The following CEACAM21 variants were observed in gnomAD, a reference collection of about 807,000 sequenced individuals.
CEACAM21 encodes cell adhesion molecule CEACAM21.
In CEACAM21, 38 loss-of-function variants were observed where a neutral mutation model predicts 33.2. The observed-to-expected ratio is 1.14, with a 90% confidence interval of 0.88 to 1.50. The LOEUF (loss-of-function observed/expected upper bound fraction) is 1.50, where lower values mean the gene tolerates loss of function less well. CEACAM21 is among the 40% of genes most tolerant of loss of function. CEACAM21 has a pLI of 0.00. For missense variants in CEACAM21, 385 were observed against 364.6 expected (o/e 1.06, Z -0.46); for synonymous variants, 156 against 143.0 (o/e 1.09, Z -0.65).
intron 6 of CEACAM21, chr19:41,586,112 A>T (rs2122316281): frequency 1.6e-6 from 1 of 607,210 alleles, no homozygotes; most frequent in East Asian, 2.8e-5. Flanking sequence ...ACACAGCAGG[A>T]ATCCTTCCCT....
intron 5 of CEACAM21, 46 bp from the exon 6 acceptor site, chr19:41,585,794 C>T (rs1555795199): frequency 1.3e-6 from 2 of 1,596,666 alleles, no homozygotes; most frequent in Non-Finnish European, 1.7e-6. Flanking sequence ...CAGGAGGGGC[C>T]CAGCTATCCT....
At chr19:41,586,390 TG>T in intron 6 of CEACAM21, 73 bp from the exon 7 acceptor site, 2 of 612,222 alleles carry the variant, frequency 3.3e-6, no homozygotes, top group Non-Finnish European at 6.3e-6. Context: ...TAGCCCTGGG[TG>T]GGCCCAGAGA....
upstream of CEACAM21, among the ~76,000 whole-genome samples, chr19:41,574,779 G>A (rs1426606494): frequency 3.3e-5 from 5 of 152,122 alleles, no homozygotes; most frequent in African/African-American, 1.2e-4. Context: ...AAACAGTTTG[G>A]CTGTTTCTCA....
intron 3 of CEACAM21, among the ~76,000 whole-genome samples, chr19:41,583,929 T>A (rs2070508340): frequency 6.6e-6 from 1 of 152,198 alleles, no homozygotes; most frequent in Non-Finnish European, 1.5e-5. Context: ...TGATTCCCAC[T>A]GTGCCTTCCA....
intron 1 of CEACAM21, among the ~76,000 whole-genome samples, chr19:41,557,919 A>G (rs1193136976): frequency 3.3e-5 from 5 of 152,178 alleles, no homozygotes; most frequent in African/African-American, 1.2e-4. Flanking sequence ...GGTGGATGAG[A>G]TATTGGTTAC....
chr19:41,573,581 A>G (rs1203269212), upstream of CEACAM21, among the ~76,000 whole-genome samples: 3 of 152,344 alleles, frequency 2.0e-5, no homozygotes, highest in East Asian at 5.8e-4. Flanking sequence ...GCAGGCTATG[A>G]AGACAAATAA....
In CEACAM21 at chr19:41,584,419, T is replaced by C; in HGVS notation, c.773T>C (p.Phe258Ser). Residue 258 changes from phenylalanine to serine, a missense_variant, in exon 4 of 7, where the codon TTC (phenylalanine) becomes TCC (serine). Phe to Ser is a radical substitution (Grantham distance 155). Coordinates refer to ENST00000401445, the MANE Select transcript of CEACAM21 (RefSeq NM_001098506.4). ...GSLLVAALVC[F>S]LLLRKTGRAS... ...CTTCTGGTGGCTGCACTTGTGTGTTTCCTGCTCCTCCGAAAAACTGGCAGG... is the reference window on the plus strand; with the variant it reads ...CTTCTGGTGGCTGCACTTGTGTGTTCCCTGCTCCTCCGAAAAACTGGCAGG... 1 of 1,608,412 alleles carries C rather than the reference T, an allele frequency of 6.2e-7. No homozygotes were observed. Among genetic ancestry groups the C allele is most frequent in the Non-Finnish European group, 8.5e-7 (1 of 1,177,136 alleles).
chr19:41,580,234 C>T (rs1600267312), intron 3 of CEACAM21, among the ~76,000 whole-genome samples: 1 of 152,068 alleles, frequency 6.6e-6, no homozygotes, highest in African/African-American at 2.4e-5. Flanking sequence ...TGGAAAAACT[C>T]AAACTGTGTT....
intron 1 of CEACAM21, among the ~76,000 whole-genome samples, chr19:41,555,920 G>A (rs1016896519): frequency 6.6e-6 from 1 of 152,194 alleles, no homozygotes; most frequent in Non-Finnish European, 1.5e-5. Context: ...CCCAGCAGCC[G>A]TTGCACTCAC....
chr19:41,558,479 C>T (rs1269889951), intron 1 of CEACAM21, among the ~76,000 whole-genome samples: 2 of 152,088 alleles, frequency 1.3e-5, no homozygotes, highest in Non-Finnish European at 2.9e-5. Flanking sequence ...AACCCCATCT[C>T]TACTAAAAAT....
At position 41,577,175 on chromosome 19, in the gene CEACAM21, G is replaced by T. The variant is rs782784506; in HGVS notation, c.65-25G>T. 3.1e-6 allele frequency: 5 copies of T among 1,613,030 alleles called. No homozygotes were observed. In the South Asian group the frequency reaches 3.3e-5, roughly 11 times the overall value. On this transcript the variant is annotated intron_variant, in intron 1 of 6. Coordinates refer to ENST00000401445, the MANE Select transcript of CEACAM21 (RefSeq NM_001098506.4). ...CATGCCAATGCATAGGTCAAATATT[G>T]ACTGATATTCTCTCCCTTTCCTAGC...
intron 4 of CEACAM21, 149 bp downstream of exon 4, chr19:41,584,592 C>T (rs1355196957): frequency 1.4e-6 from 1 of 714,214 alleles, no homozygotes; most frequent in Non-Finnish European, 2.4e-6. Flanking sequence ...GCACCTTCCT[C>T]ACCAGCTGCT....
At chr19:41,585,563 C>A in intron 5 of CEACAM21, 68 bp downstream of exon 5, 2 of 1,514,334 alleles carry the variant, frequency 1.3e-6, no homozygotes, top group Admixed American at 3.4e-5. Flanking sequence ...CCACTCCTGC[C>A]AGTTACACCC....
chr19:41,565,391 G>A (rs945155652), intron 2 of CEACAM21, among the ~76,000 whole-genome samples: 1 of 152,202 alleles, frequency 6.6e-6, no homozygotes, highest in Non-Finnish European at 1.5e-5. Context: ...AGCCCTGAGA[G>A]CCAGTCCTTA....
chr19:41,554,879 C>G (rs1175083247), intron 1 of CEACAM21: 3 of 151,878 alleles, frequency 2.0e-5, no homozygotes, highest in Non-Finnish European at 4.4e-5. Context: ...TTTCATAAAC[C>G]TTTCACAACT....
chr19:41,562,046 G>C (rs1332736754), intron 1 of CEACAM21, among the ~76,000 whole-genome samples: 3 of 152,172 alleles, frequency 2.0e-5, no homozygotes, highest in African/African-American at 7.2e-5. Flanking sequence ...AGGAGTTCGA[G>C]ACCAGCCTGA....
At chr19:41,576,763 T>C (rs1229227968) in intron 1 of CEACAM21, among the ~76,000 whole-genome samples, 1 of 151,796 alleles carries the variant, frequency 6.6e-6, no homozygotes. Context: ...CTAACATCAC[T>C]CAAGTCCATG....
At chr19:41,572,393 G>A (rs1482361121), upstream of CEACAM21, among the ~76,000 whole-genome samples, 1 of 152,142 alleles carries the variant, frequency 6.6e-6, no homozygotes, top group African/African-American at 2.4e-5. Context: ...CAAACTGCCT[G>A]CAAGCAGCCC....
intron 2 of CEACAM21, among the ~76,000 whole-genome samples, chr19:41,567,724 A>C (rs2042354115): frequency 6.6e-6 from 1 of 152,164 alleles, no homozygotes; most frequent in East Asian, 1.9e-4. Flanking sequence ...GTGCTAGCTC[A>C]TATCATTGTA....
Sources: allele counts gnomAD v4.1 joint callset (sites outside exome capture counted in the v4.1 genomes callset), GRCh38; gene constraint gnomAD v4.1.1; transcripts MANE v1.5; gene names NCBI Gene and HGNC (gene_info 2026-07-23, HGNC 2026-07-21).